Variants in MAD1L1 observed in about 807,000 individuals in gnomAD.
MAD1L1 encodes mitotic spindle assembly checkpoint protein MAD1.
A neutral mutation model predicts 96.9 loss-of-function variants in MAD1L1; 95 were observed. The ratio of observed to expected loss-of-function variants is 0.98; its 90% CI spans 0.83 to 1.16. The LOEUF (loss-of-function observed/expected upper bound fraction) is 1.16, where lower values mean the gene tolerates loss of function less well. MAD1L1 is among the 50% of genes most tolerant of loss of function. The pLI, the probability that MAD1L1 is intolerant of heterozygous loss-of-function variation, is 0.00. For missense variants in MAD1L1, 1,007 were observed against 954.4 expected (o/e 1.06, Z -0.73); for synonymous variants, 473 against 396.6 (o/e 1.19, Z -2.29).
At chr7:2,072,248 A>G (rs1454510563) in intron 11 of MAD1L1, among the ~76,000 whole-genome samples, 1 of 152,146 alleles carries the variant, frequency 6.6e-6, no homozygotes, top group Non-Finnish European at 1.5e-5. Flanking sequence ...GGCAGAACCA[A>G]CTGCTTGCTT....
Position 1,936,804 on chromosome 7 carries a change from G to T in MAD1L1, c.1690C>A (p.Leu564Met). ...RQRLREDHSQ[L>M]QAECERLRGL... is the part of the protein sequence containing the mutation. ...CGCAGTCGCTCGCACTCCGCCTGCAGCTGGCTGTGGTCCTCGCGCAGGCGC... is the reference window on the plus strand; with the variant it reads ...CGCAGTCGCTCGCACTCCGCCTGCATCTGGCTGTGGTCCTCGCGCAGGCGC... The change falls in exon 17 of 19, where the codon CTG (leucine) becomes ATG (methionine). Residue 564 changes from leucine (L) to methionine (M), a missense_variant. Physicochemically the swap from Leu to Met is conservative, Grantham distance 15 (BLOSUM62 2). Transcript: ENST00000265854. 1 of 1,595,272 alleles carries T rather than the reference G, an allele frequency of 6.3e-7. No individual in the cohort carries two copies. Among genetic ancestry groups the T allele is most frequent in the Non-Finnish European group, 8.5e-7 (1 of 1,171,932 alleles).
At chr7:2,076,681 A>G (rs992947241) in intron 11 of MAD1L1, among the ~76,000 whole-genome samples, 1 of 151,886 alleles carries the variant, frequency 6.6e-6, no homozygotes, top group African/African-American at 2.4e-5. Context: ...TGAGCCCGAG[A>G]CACAGGTATG....
intron 17 of MAD1L1, among the ~76,000 whole-genome samples, chr7:1,918,948 G>A (rs1788597096): frequency 6.6e-6 from 1 of 152,058 alleles, no homozygotes; most frequent in South Asian, 2.1e-4. Context: ...CAGGGGCACT[G>A]ATCCTTCCAA....
intron 10 of MAD1L1, among the ~76,000 whole-genome samples, chr7:2,210,847 C>T (rs1423743380): frequency 6.6e-6 from 1 of 151,944 alleles, no homozygotes; most frequent in African/African-American, 2.4e-5. Flanking sequence ...TGGCCATCAG[C>T]CTCCGGCTGC....
At position 2,119,689 on chromosome 7, in the gene MAD1L1, G is replaced by A. The variant is rs1032681862; in HGVS notation, c.1073+29463C>T. Among the ~76,000 whole-genome samples the A allele has an allele frequency of 2.2e-4, 34 of 152,138 alleles. No individual in the cohort carries two copies. Among genetic ancestry groups the A allele is most frequent in the Non-Finnish European group, 4.1e-4 (28 of 68,012 alleles). ...CCTGTGCTGAGTGACAATGCACCCCGAAACCCAGAGTGCTCCTGAGGAGGG... is the reference window on the plus strand; with the variant it reads ...CCTGTGCTGAGTGACAATGCACCCCAAAACCCAGAGTGCTCCTGAGGAGGG... On this transcript the variant is annotated intron_variant, in intron 11 of 18. Transcript: ENST00000265854. The surrounding 1 kb of genome is among the most constrained non-coding windows in gnomAD (Gnocchi z 4.6).
In MAD1L1 at chr7:1,876,827, C is replaced by T. The variant is rs533670711; in HGVS notation, c.1998+21373G>A. The stretch of plus-strand genomic sequence containing the variant: ...CCTGCCAGGGCTGCCCGGTCTTTAC[C>T]CCTCTGCTCAAGGCCACACGCACAG... On this transcript the variant is annotated intron_variant, in intron 18 of 18. Transcript: ENST00000265854. 1.7e-3 allele frequency among the ~76,000 whole-genome samples: 259 copies of T among 148,718 alleles called. 2 individuals are homozygous for T. The highest frequency in any genetic ancestry group is 6.0e-3 in the African/African-American group (244 of 40,604).
intron 17 of MAD1L1, among the ~76,000 whole-genome samples, chr7:1,915,061 C>T (rs570451199): frequency 6.6e-6 from 1 of 152,164 alleles, no homozygotes; most frequent in African/African-American, 2.4e-5. Context: ...TGGGGTCTCA[C>T]TGGGAGCAAC....
intron 13 of MAD1L1, among the ~76,000 whole-genome samples, chr7:2,012,474 C>T (rs888760922): frequency 3.3e-5 from 5 of 152,254 alleles, no homozygotes; most frequent in African/African-American, 1.2e-4. Flanking sequence ...TTTACGACAG[C>T]TCCCAGGTAC....
chr7:2,063,555 T>C (rs917240718), intron 12 of MAD1L1, among the ~76,000 whole-genome samples: 27 of 152,348 alleles, frequency 1.8e-4, no homozygotes, highest in Admixed American at 1.2e-3. Flanking sequence ...CTCTGCTCCA[T>C]GTCCCTTCCA....
chr7:2,178,543 A>T (rs1791046366), intron 10 of MAD1L1, among the ~76,000 whole-genome samples: 1 of 152,244 alleles, frequency 6.6e-6, no homozygotes, highest in Non-Finnish European at 1.5e-5. Flanking sequence ...GAATTCACCC[A>T]AATGTACAGG....
At chr7:1,867,875 GGA>G (rs1784854371) in intron 18 of MAD1L1, among the ~76,000 whole-genome samples, 7 of 152,344 alleles carry the variant, frequency 4.6e-5, no homozygotes, top group African/African-American at 1.7e-4. Flanking sequence ...GCGATGCATC[GGA>G]GGCAGTCCCT....
At chr7:2,068,132 T>C (rs1021604782) in intron 12 of MAD1L1, among the ~76,000 whole-genome samples, 5 of 152,124 alleles carry the variant, frequency 3.3e-5, no homozygotes, top group African/African-American at 4.8e-5. Flanking sequence ...TGTGAGAACA[T>C]TTTGGAGTGT....
At chr7:1,973,724 T>A (rs749933686) in intron 15 of MAD1L1, among the ~76,000 whole-genome samples, 95 of 152,080 alleles carry the variant, frequency 6.2e-4, no homozygotes, top group Non-Finnish European at 1.1e-3. Context: ...GCCTCTGACA[T>A]GGGGTCCTGG....
chr7:2,106,727 G>A (rs535365119), intron 11 of MAD1L1, among the ~76,000 whole-genome samples: 2 of 152,340 alleles, frequency 1.3e-5, no homozygotes, highest in South Asian at 2.1e-4. Context: ...GGGCCTCCAC[G>A]AAACCTGAGA....
chr7:2,042,831 T>C (rs891775316), intron 12 of MAD1L1, among the ~76,000 whole-genome samples: 1 of 152,078 alleles, frequency 6.6e-6, no homozygotes, highest in Non-Finnish European at 1.5e-5. Flanking sequence ...GATTCCTTTA[T>C]AGAGACACAA....
intron 17 of MAD1L1, among the ~76,000 whole-genome samples, chr7:1,933,450 C>T (rs531527150): frequency 1.3e-4 from 20 of 152,326 alleles, no homozygotes; most frequent in Non-Finnish European, 2.6e-4. Context: ...CTGCATCTAT[C>T]AATCCGGGCT....
chr7:1,916,964 G>A (rs1302433994), intron 17 of MAD1L1, among the ~76,000 whole-genome samples: 4 of 152,174 alleles, frequency 2.6e-5, no homozygotes, highest in Non-Finnish European at 5.9e-5. Context: ...GCTGGGGCTG[G>A]CAGAGGACAC....
chr7:1,834,568 A>G (rs182584375), intron 18 of MAD1L1, among the ~76,000 whole-genome samples: 2,038 of 152,364 alleles, frequency 0.013, 38 homozygotes, highest in African/African-American at 0.046. Context: ...ACTAAAGCTC[A>G]CCACAAAAGA....
chr7:2,194,767 C>T (rs547336872), intron 10 of MAD1L1, among the ~76,000 whole-genome samples: 2 of 152,104 alleles, frequency 1.3e-5, no homozygotes, highest in African/African-American at 4.8e-5. Flanking sequence ...AGAGAAAGTA[C>T]CTTTTCTATT....
Sources: allele counts gnomAD v4.1 joint callset (sites outside exome capture counted in the v4.1 genomes callset), GRCh38; gene constraint gnomAD v4.1.1; non-coding constraint Gnocchi (gnomAD v3.1); transcripts MANE v1.5; gene names NCBI Gene and HGNC (gene_info 2026-07-23, HGNC 2026-07-21).